SLC24A2: variants seen among roughly 807,000 people sequenced by gnomAD.
SLC24A2 encodes sodium/potassium/calcium exchanger 2.
A neutral mutation model predicts 62.0 loss-of-function variants in SLC24A2; 36 were observed. The ratio of observed to expected loss-of-function variants is 0.58; its 90% CI spans 0.44 to 0.77. The LOEUF (loss-of-function observed/expected upper bound fraction) is 0.77. Among genes scored for constraint, SLC24A2 ranks in the 30% least tolerant of loss-of-function variants. SLC24A2 has a pLI of 0.00. For synonymous variants in SLC24A2, 358 were observed against 294.0 expected (o/e 1.22, Z -2.23); for missense variants, 846 against 817.9 (o/e 1.03, Z -0.42).
chr9:19,851,027 A>ATATATATATAT, the SLC24A2 span, among the ~76,000 whole-genome samples: 4 of 55,252 alleles, frequency 7.2e-5, no homozygotes, highest in African/African-American at 3.1e-4. Context: ...ATATATACAT[A>ATATATATATAT]TTTTTTTTTT....
chr9:20,009,045 A>G, the SLC24A2 span, among the ~76,000 whole-genome samples: 1 of 152,172 alleles, frequency 6.6e-6, no homozygotes, highest in Non-Finnish European at 1.5e-5. Flanking sequence ...GTTCTCATTG[A>G]GCATACTCCT....
chr9:19,847,625 C>T, the SLC24A2 span, among the ~76,000 whole-genome samples: 2 of 152,144 alleles, frequency 1.3e-5, no homozygotes, highest in Non-Finnish European at 2.9e-5. Flanking sequence ...GATCTCCACA[C>T]CGGAGAGAAG....
chr9:19,609,486 G>C (rs896200005), intron 4 of SLC24A2, among the ~76,000 whole-genome samples: 2 of 152,158 alleles, frequency 1.3e-5, no homozygotes, highest in Non-Finnish European at 2.9e-5. Flanking sequence ...TGAAAGTGTT[G>C]GACACTAGGA....
At chr9:19,550,913 T>C (rs1174497717) in intron 7 of SLC24A2, among the ~76,000 whole-genome samples, 2 of 152,318 alleles carry the variant, frequency 1.3e-5, no homozygotes, top group African/African-American at 4.8e-5. Context: ...ATTGAATGTG[T>C]AATGATCAAG....
chr9:19,571,923 G>A (rs1323212855), intron 7 of SLC24A2, among the ~76,000 whole-genome samples: 1 of 152,160 alleles, frequency 6.6e-6, no homozygotes, highest in East Asian at 1.9e-4. Flanking sequence ...TACAAACTAG[G>A]TAACCCCAAT....
At chr9:20,101,794 G>A in the SLC24A2 span, among the ~76,000 whole-genome samples, 1 of 152,078 alleles carries the variant, frequency 6.6e-6, no homozygotes, top group Non-Finnish European at 1.5e-5. Context: ...CTGCCACTGA[G>A]GAACTTACCT....
the SLC24A2 span, among the ~76,000 whole-genome samples, chr9:20,051,399 C>G: frequency 2.0e-3 from 311 of 152,002 alleles, no homozygotes; most frequent in African/African-American, 7.0e-3. Flanking sequence ...AATCATGAAA[C>G]TGGGACATTT....
rs144038623 is a variant in SLC24A2, at chr9:19,593,245, G to T, written c.1129+3984C>A. On this transcript the variant is annotated intron_variant, in intron 5 of 10. Coordinates refer to ENST00000341998, the MANE Select transcript of SLC24A2 (RefSeq NM_020344.4). Reference sequence around the variant, plus strand: ...ATCTCATGCCTGTGTCTCCCACAAGGTCATGAGTTCTTTAGGAGAACTGTG... The same window carrying T: ...ATCTCATGCCTGTGTCTCCCACAAGTTCATGAGTTCTTTAGGAGAACTGTG... 3.1e-3 allele frequency among the ~76,000 whole-genome samples: 465 copies of T among 152,352 alleles called. 4 individuals carry two copies. The highest frequency in any genetic ancestry group is 0.01 in the African/African-American group (435 of 41,586).
At chr9:19,517,245 T>A (rs1240844619) in intron 10 of SLC24A2, among the ~76,000 whole-genome samples, 1 of 152,080 alleles carries the variant, frequency 6.6e-6, no homozygotes, top group African/African-American at 2.4e-5. Flanking sequence ...CATGGGCATT[T>A]CCAAGTGGCT....
chr9:19,529,244 T>C (rs1833581848), intron 8 of SLC24A2, among the ~76,000 whole-genome samples: 1 of 152,132 alleles, frequency 6.6e-6, no homozygotes, highest in Admixed American at 6.5e-5. Context: ...GAAAGTAATC[T>C]CAATTGTCCG....
chr9:19,558,219 G>A (rs999501687), intron 7 of SLC24A2, among the ~76,000 whole-genome samples: 1 of 152,154 alleles, frequency 6.6e-6, no homozygotes, highest in Non-Finnish European at 1.5e-5. Flanking sequence ...AGACCTGGGG[G>A]TGTGTGGAGA....
chr9:19,876,471 C>A, the SLC24A2 span, among the ~76,000 whole-genome samples: 1 of 149,166 alleles, frequency 6.7e-6, no homozygotes, highest in African/African-American at 2.5e-5. Context: ...ATGTGAAGAC[C>A]CTCTGGCTGA....
At chr9:19,732,664 C>T (rs568357943) in intron 2 of SLC24A2, among the ~76,000 whole-genome samples, 40 of 152,218 alleles carry the variant, frequency 2.6e-4, no homozygotes, top group Middle Eastern at 6.8e-3. Context: ...ACCTCTCCCC[C>T]GTGTCTGTGC....
chr9:20,295,036 G>GTATATATATATATATATATA, the SLC24A2 span, among the ~76,000 whole-genome samples: 6 of 145,680 alleles, frequency 4.1e-5, no homozygotes, highest in African/African-American at 1.5e-4. Flanking sequence ...GTGTATATAT[G>GTATATATATATATATATATA]TATATATATA....
the SLC24A2 span, among the ~76,000 whole-genome samples, chr9:20,231,777 C>G: frequency 6.6e-6 from 1 of 151,808 alleles, no homozygotes; most frequent in African/African-American, 2.4e-5. Flanking sequence ...CTATGTTGAA[C>G]AGGAGTGGTG....
At chr9:20,277,430 A>G in the SLC24A2 span, among the ~76,000 whole-genome samples, 1 of 151,818 alleles carries the variant, frequency 6.6e-6, no homozygotes, top group South Asian at 2.1e-4. Context: ...GGCAAAGGAT[A>G]TGAACAGACA....
chr9:19,530,787 A>G (rs116168014), intron 8 of SLC24A2, among the ~76,000 whole-genome samples: 1,671 of 152,286 alleles, frequency 0.011, 31 homozygotes, highest in African/African-American at 0.039. Flanking sequence ...AGAAGGCTAA[A>G]AATATTCTTT....
intron 2 of SLC24A2, among the ~76,000 whole-genome samples, chr9:19,752,162 C>G (rs554032765): frequency 6.6e-6 from 1 of 151,994 alleles, no homozygotes; most frequent in African/African-American, 2.4e-5. Flanking sequence ...GAAATAAGAA[C>G]GGAAACTAGA....
At chr9:19,692,347 C>T (rs13285287) in intron 2 of SLC24A2, among the ~76,000 whole-genome samples, 28,483 of 152,078 alleles carry the variant, frequency 0.19, 2,871 homozygotes, top group Middle Eastern at 0.24. Context: ...TAGAATTTTA[C>T]AGACACTAAT....
Sources: allele counts gnomAD v4.1 joint callset (sites outside exome capture counted in the v4.1 genomes callset), GRCh38; gene constraint gnomAD v4.1.1; transcripts MANE v1.5; gene names NCBI Gene and HGNC (gene_info 2026-07-23, HGNC 2026-07-21).